The following TBL1X variants were observed in gnomAD, a reference collection of about 807,000 sequenced individuals.
The protein encoded by TBL1X is transducin beta like 1 X-linked.
In TBL1X, 10 loss-of-function variants were observed where a neutral mutation model predicts 50.7. The observed-to-expected ratio is 0.20, with a 90% CI of 0.12 to 0.33. The LOEUF (loss-of-function observed/expected upper bound fraction) is 0.33. TBL1X is among the 10% of genes least tolerant of loss of function. TBL1X has a pLI of 1.00. For synonymous variants in TBL1X, 190 were observed against 214.7 expected, an observed-to-expected ratio of 0.88 and a Z score of 1.01; for missense variants, 340 against 504.4, an observed-to-expected ratio of 0.67 and a Z score of 3.12.
intron 3 of TBL1X, among the ~76,000 whole-genome samples, chrX:9,653,184 T>C (rs937480192): frequency 8.9e-6 from 1 of 112,656 alleles, no homozygotes; most frequent in African/African-American, 3.2e-5. Context: ...AGATGTTTAG[T>C]GTTGGTGACA....
intron 5 of TBL1X, among the ~76,000 whole-genome samples, chrX:9,664,116 A>G (rs1365687030): frequency 8.9e-6 from 1 of 112,263 alleles, no homozygotes; most frequent in Non-Finnish European, 1.9e-5. Context: ...CCTCTTTGAC[A>G]GTAGTGTAAG....
intron 2 of TBL1X, among the ~76,000 whole-genome samples, chrX:9,598,958 T>G (rs920100696): frequency 1.8e-5 from 2 of 109,523 alleles, no homozygotes; most frequent in Admixed American, 9.8e-5. Context: ...TTTGTTTTTT[T>G]TTTTAGACGG....
chrX:9,515,302 A>G (rs2082076418), intron 2 of TBL1X, among the ~76,000 whole-genome samples: 1 of 112,002 alleles, frequency 8.9e-6, no homozygotes, highest in African/African-American at 3.2e-5. Context: ...CCTTCTTCTG[A>G]TCTGCTTGGC....
chrX:9,615,611 A>G (rs2082635429), intron 2 of TBL1X, among the ~76,000 whole-genome samples: 1 of 111,991 alleles, frequency 8.9e-6, no homozygotes, highest in Admixed American at 9.4e-5. Context: ...CTCATTACCG[A>G]TGCTGAGTTT....
intron 2 of TBL1X, among the ~76,000 whole-genome samples, chrX:9,572,160 C>T (rs1167366724): frequency 8.9e-6 from 1 of 112,247 alleles, no homozygotes; most frequent in Non-Finnish European, 1.9e-5. Flanking sequence ...CATCACTTCT[C>T]TGCTGCTTTA....
At chrX:9,559,636 T>TA (rs752270789) in intron 2 of TBL1X, among the ~76,000 whole-genome samples, 1 of 111,698 alleles carries the variant, frequency 9.0e-6, no homozygotes, top group African/African-American at 3.2e-5. Flanking sequence ...TTTACTGGAA[T>TA]AAAAAAAATT....
intron 2 of TBL1X, among the ~76,000 whole-genome samples, chrX:9,566,242 G>A (rs1009545148): frequency 1.8e-5 from 2 of 111,931 alleles, no homozygotes; most frequent in Admixed American, 9.4e-5. Flanking sequence ...GGATGCCAGT[G>A]GCATTCCTCC....
chrX:9,711,929 C>G (rs1319496614), intron 16 of TBL1X, among the ~76,000 whole-genome samples, 153 bp downstream of exon 16: 3 of 112,476 alleles, frequency 2.7e-5, no homozygotes, highest in Non-Finnish European at 5.6e-5. Context: ...ACGTGCACCC[C>G]ACGTGGGCTG....
chrX:9,614,940 G>C (rs2082632016), intron 2 of TBL1X, among the ~76,000 whole-genome samples: 1 of 111,807 alleles, frequency 8.9e-6, no homozygotes, highest in Non-Finnish European at 1.9e-5. Flanking sequence ...AAATGGTACT[G>C]CAAGTGATAA....
chrX:9,501,300 C>G (rs1481079110), intron 1 of TBL1X, among the ~76,000 whole-genome samples: 3 of 112,038 alleles, frequency 2.7e-5, no homozygotes, highest in Non-Finnish European at 5.6e-5. Flanking sequence ...GCAAAGTTCT[C>G]TATTCCCATG....
At chrX:9,464,909 A>C (rs1321594184), upstream of TBL1X, 2 of 106,602 alleles carry the variant, frequency 1.9e-5, no homozygotes, top group African/African-American at 6.9e-5. Context: ...CGGAGTCCCT[A>C]CCCTCGTAGG....
intron 5 of TBL1X, among the ~76,000 whole-genome samples, chrX:9,682,152 A>T (rs1216666751): frequency 8.9e-6 from 1 of 112,349 alleles, no homozygotes; most frequent in East Asian, 2.8e-4. Context: ...ATTGGCAGAG[A>T]ATAGAGTCGT....
chrX:9,700,012 A>AC (rs2083159491), intron 12 of TBL1X, among the ~76,000 whole-genome samples: 1 of 112,377 alleles, frequency 8.9e-6, no homozygotes, highest in South Asian at 3.7e-4. Flanking sequence ...CCCAAAGGGA[A>AC]ACCCTGTACC....
intron 2 of TBL1X, among the ~76,000 whole-genome samples, chrX:9,543,776 G>A (rs2082227320): frequency 9.0e-6 from 1 of 111,557 alleles, no homozygotes; most frequent in African/African-American, 3.3e-5. Flanking sequence ...GACACAAATC[G>A]AAAATTCCAG....
At chrX:9,480,540 G>A (rs1255317184) in intron 1 of TBL1X, among the ~76,000 whole-genome samples, 1 of 111,821 alleles carries the variant, frequency 8.9e-6, no homozygotes. Flanking sequence ...ACAGAAAAAC[G>A]AGGAGAGAGG....
chrX:9,533,115 G>T (rs944748293), intron 2 of TBL1X, among the ~76,000 whole-genome samples: 2 of 111,859 alleles, frequency 1.8e-5, no homozygotes, highest in Non-Finnish European at 3.8e-5. Context: ...TTGAAAGAGT[G>T]AATTTCATGG....
In TBL1X at chrX:9,619,108, T is replaced by C. The variant is rs151239642; in HGVS notation, c.-130-21165T>C. Among the ~76,000 whole-genome samples, 930 of 112,398 alleles carry C rather than the reference T, an allele frequency of 8.3e-3. 1 individual carries two copies. Among genetic ancestry groups the C allele is most frequent in the Non-Finnish European group, 0.014 (724 of 53,264 alleles). On this transcript the variant is annotated intron_variant, in intron 2 of 17. Transcript: ENST00000645353. ...CTGTTAACTGTTTAGAAACTCATGA[T>C]GTAAGCCCATATGACTTATGGATTT...
In TBL1X at chrX:9,617,967, A is replaced by T. The variant is rs766800143; in HGVS notation, c.-130-22306A>T. On this transcript the variant is annotated intron_variant, in intron 2 of 17. Transcript: ENST00000645353. ...CCGTGTGCACGGTGGGAGGTTTAGCAGCATCCCAGGACCCAGGAGATACCA... is the reference window on the plus strand; with the variant it reads ...CCGTGTGCACGGTGGGAGGTTTAGCTGCATCCCAGGACCCAGGAGATACCA... Among the ~76,000 whole-genome samples the T allele has an allele frequency of 3.0e-3, 330 of 111,154 alleles. 2 individuals carry two copies. Among genetic ancestry groups the T allele is most frequent in the Non-Finnish European group, 4.5e-3 (240 of 52,993 alleles).
chrX:9,601,056 G>A (rs1397775606), intron 2 of TBL1X, among the ~76,000 whole-genome samples: 1 of 111,963 alleles, frequency 8.9e-6, no homozygotes, highest in East Asian at 2.8e-4. Flanking sequence ...GTGTTCTAGT[G>A]TGTTACCTTT....
Sources: gnomAD v4.1 joint callset for allele counts (sites outside exome capture counted in the v4.1 genomes callset) on GRCh38, gnomAD v4.1.1 for gene constraint, MANE v1.5 for transcripts, NCBI Gene and HGNC (gene_info 2026-07-23, HGNC 2026-07-21) for gene names.